The following PARD3B variants were observed in gnomAD, a reference collection of about 807,000 sequenced individuals.
PARD3B encodes the protein partitioning defective 3 homolog B.
In PARD3B, 103 loss-of-function variants were observed where a neutral mutation model predicts 130.2. That is an observed-to-expected ratio of 0.79 (90% CI 0.67 to 0.93). PARD3B has a LOEUF of 0.93. Ranked by LOEUF, PARD3B falls within the 40% of genes least tolerant of loss-of-function variation. PARD3B has a pLI of 0.00. For missense variants in PARD3B, 1,609 were observed against 1,499.2 expected, an observed-to-expected ratio of 1.07 and a Z score of -1.21; for synonymous variants, 583 against 553.2, an observed-to-expected ratio of 1.05 and a Z score of -0.76.
rs780247091 is a variant in PARD3B at position 204,907,073 on chromosome 2, C to T, written c.223-58079C>T. Among the ~76,000 whole-genome samples, 5 of 152,044 alleles carry T rather than the reference C, an allele frequency of 3.3e-5. No homozygotes were observed. Among genetic ancestry groups the T allele is most frequent in the Non-Finnish European group, 4.4e-5 (3 of 68,010 alleles). The stretch of plus-strand genomic sequence containing the variant: ...TCGGCTCACTGTAACCTCCACCTCC[C>T]GGGTTGTAGCAATTCTCCTGCCTCA... On this transcript the variant is annotated intron_variant, in intron 2 of 22. Coordinates refer to ENST00000406610, the MANE Select transcript of PARD3B (RefSeq NM_001302769.2). The surrounding 1 kb of genome is among the most constrained non-coding windows in gnomAD (Gnocchi z 5.7).
intron 18 of PARD3B, among the ~76,000 whole-genome samples, chr2:205,306,334 A>G (rs537595098): frequency 6.6e-6 from 1 of 152,238 alleles, no homozygotes; most frequent in East Asian, 1.9e-4. Flanking sequence ...CATCATAATT[A>G]CTTTTACTAC....
chr2:205,381,239 A>T (rs2045433351), intron 18 of PARD3B, among the ~76,000 whole-genome samples: 1 of 122,422 alleles, frequency 8.2e-6, no homozygotes, highest in Admixed American at 9.1e-5. Flanking sequence ...AATATATATA[A>T]AAAGAATATA....
chr2:205,395,842 C>A (rs2046009320), intron 18 of PARD3B, among the ~76,000 whole-genome samples: 1 of 152,208 alleles, frequency 6.6e-6, no homozygotes, highest in African/African-American at 2.4e-5. Context: ...CTGCTCAAAA[C>A]ACTTGGTTCC....
chr2:205,075,328 C>T (rs959159609), intron 4 of PARD3B, among the ~76,000 whole-genome samples: 1 of 152,032 alleles, frequency 6.6e-6, no homozygotes, highest in Non-Finnish European at 1.5e-5. Flanking sequence ...ACTTTGGTTA[C>T]TTATTTGTAG....
chr2:205,271,063 T>C (rs2040706413), intron 16 of PARD3B, among the ~76,000 whole-genome samples: 1 of 152,174 alleles, frequency 6.6e-6, no homozygotes, highest in African/African-American at 2.4e-5. Flanking sequence ...ATTCTGCCAC[T>C]AAAAGGAACT....
At chr2:205,369,531 C>G (rs1048504350) in intron 18 of PARD3B, among the ~76,000 whole-genome samples, 1 of 152,138 alleles carries the variant, frequency 6.6e-6, no homozygotes, top group Admixed American at 6.5e-5. Flanking sequence ...CATGACCCAC[C>G]ACATCTTCAA....
intron 10 of PARD3B, among the ~76,000 whole-genome samples, chr2:205,131,144 T>G (rs2031963002): frequency 6.6e-6 from 1 of 152,236 alleles, no homozygotes; most frequent in Non-Finnish European, 1.5e-5. Flanking sequence ...ATTCAAATGA[T>G]TCCATGCTTA....
At chr2:204,574,365 A>T (rs2032150750) in intron 1 of PARD3B, among the ~76,000 whole-genome samples, 1 of 152,104 alleles carries the variant, frequency 6.6e-6, no homozygotes, top group South Asian at 2.1e-4. Context: ...TTTTGTTTGG[A>T]TACATGTATT....
At chr2:205,038,387 G>A (rs1020941440) in intron 3 of PARD3B, among the ~76,000 whole-genome samples, 1 of 152,060 alleles carries the variant, frequency 6.6e-6, no homozygotes, top group African/African-American at 2.4e-5. Context: ...AACCTCCTCT[G>A]TCGCTTTATC....
At chr2:205,178,658 CA>C (rs939114766) in intron 13 of PARD3B, among the ~76,000 whole-genome samples, 1 of 152,130 alleles carries the variant, frequency 6.6e-6, no homozygotes, top group African/African-American at 2.4e-5. Flanking sequence ...AATTCTCTAG[CA>C]ACGTGTGGCC....
rs55994278 is a variant in PARD3B, at chr2:205,125,996, C to G, written c.1434+259C>G. Among the ~76,000 whole-genome samples the G allele has an allele frequency of 6.6e-6, 1 of 152,176 alleles. No homozygotes were observed. Among genetic ancestry groups the G allele is most frequent in the Admixed American group, 6.5e-5 (1 of 15,276 alleles). Reference sequence around the variant, plus strand: ...TAAGCAACTATTCAACAGTATGCAACTAATTCAATAAAATATATATTGAAT... The same window carrying G: ...TAAGCAACTATTCAACAGTATGCAAGTAATTCAATAAAATATATATTGAAT... On this transcript the variant is annotated intron_variant, in intron 10 of 22. Coordinates refer to ENST00000406610, the MANE Select transcript of PARD3B (RefSeq NM_001302769.2). The surrounding 1 kb of genome is among the most constrained non-coding windows in gnomAD (Gnocchi z 4.0).
intron 21 of PARD3B, among the ~76,000 whole-genome samples, chr2:205,518,944 G>A (rs768463100): frequency 2.2e-4 from 33 of 152,242 alleles, no homozygotes; most frequent in African/African-American, 7.2e-4. Flanking sequence ...GATTTCAGCC[G>A]AGAGGTCTGC....
chr2:205,035,964 A>G (rs1412154151), intron 3 of PARD3B, among the ~76,000 whole-genome samples: 1 of 144,038 alleles, frequency 6.9e-6, no homozygotes, highest in African/African-American at 2.5e-5. Context: ...TTTTACATAT[A>G]GGGGACTATT....
intron 2 of PARD3B, among the ~76,000 whole-genome samples, chr2:204,798,075 A>T (rs1254518721): frequency 1.3e-5 from 2 of 152,196 alleles, no homozygotes; most frequent in African/African-American, 2.4e-5. Flanking sequence ...GTACCTTCAT[A>T]AGAATCAAAA....
In PARD3B at chr2:205,176,465, A is replaced by G. The variant is rs1430590151; in HGVS notation, c.1812A>G (p.Ala604=). The G allele has an allele frequency of 6.2e-7, 1 of 1,610,842 alleles. No homozygotes were observed. The highest frequency in any genetic ancestry group is 8.5e-7 in the Non-Finnish European group (1 of 1,178,828). ...RPMEDPAECG[A]FSKPCFENCQ... ...CTTAGGATCCTGCAGAGTGTGGGGC[A>G]TTTTCCAAGCCATGCTTTGAGAACT... Residue 604 remains alanine (A), a synonymous_variant, in exon 13 of 23, where the codon GCA becomes GCG. Transcript: ENST00000406610. This position sits in a 1 kb window ranked among gnomAD's most constrained non-coding sequence, Gnocchi z 5.3.
intron 1 of PARD3B, among the ~76,000 whole-genome samples, chr2:204,558,769 T>C (rs1231591707): frequency 6.6e-6 from 1 of 152,292 alleles, no homozygotes; most frequent in South Asian, 2.1e-4. Context: ...GCTGGAGGCA[T>C]CATGCTACCT....
chr2:205,312,516 T>C (rs766230495), intron 18 of PARD3B, among the ~76,000 whole-genome samples: 3 of 152,168 alleles, frequency 2.0e-5, no homozygotes, highest in Non-Finnish European at 4.4e-5. Context: ...AATAGAAATT[T>C]GCATGTCGAA....
intron 15 of PARD3B, among the ~76,000 whole-genome samples, chr2:205,226,486 TG>T (rs1438137002): frequency 2.0e-5 from 3 of 152,228 alleles, no homozygotes; most frequent in Non-Finnish European, 2.9e-5. Context: ...TTTCATGGTT[TG>T]GGGTTTTATA....
chr2:204,990,959 A>G (rs1693620543), intron 3 of PARD3B, among the ~76,000 whole-genome samples: 1 of 152,198 alleles, frequency 6.6e-6, no homozygotes, highest in Non-Finnish European at 1.5e-5. Context: ...CATTTATTAT[A>G]AAGCCTGTCA....
Sources: gnomAD v4.1 joint callset for allele counts (sites outside exome capture counted in the v4.1 genomes callset) on GRCh38, gnomAD v4.1.1 for gene constraint, Gnocchi (gnomAD v3.1) non-coding constraint, MANE v1.5 for transcripts, NCBI Gene and HGNC (gene_info 2026-07-23, HGNC 2026-07-21) for gene names.